FAM3D: variants seen among roughly 807,000 people sequenced by gnomAD.
The protein encoded by FAM3D is protein FAM3D.
A neutral mutation model predicts 29.8 loss-of-function variants in FAM3D; 26 were observed. The ratio of observed to expected loss-of-function variants is 0.87; its 90% CI spans 0.64 to 1.21. The LOEUF is 1.21. Among genes scored for constraint, FAM3D ranks in the 50% most tolerant of loss-of-function variants. The probability of loss-of-function intolerance (pLI) is 0.00; values close to 1 mark genes in which losing one functional copy is unlikely to be tolerated. For synonymous variants in FAM3D, 115 were observed against 102.3 expected (o/e 1.12, Z -0.75); for missense variants, 253 against 290.9 (o/e 0.87, Z 0.95).
At chr3:58,661,479 C>T (rs2066928220) in intron 1 of FAM3D, among the ~76,000 whole-genome samples, 1 of 152,242 alleles carries the variant, frequency 6.6e-6, no homozygotes, top group Non-Finnish European at 1.5e-5. Flanking sequence ...ATTCACCTGA[C>T]AGATCATCCT....
At chr3:58,641,880 T>G (rs558151068) in intron 6 of FAM3D, among the ~76,000 whole-genome samples, 3 of 152,204 alleles carry the variant, frequency 2.0e-5, no homozygotes, top group Non-Finnish European at 2.9e-5. Flanking sequence ...TGGAGAATAT[T>G]CAAAAAGCTT....
chr3:58,652,479 T>C (rs569420643), intron 3 of FAM3D, among the ~76,000 whole-genome samples: 1 of 146,714 alleles, frequency 6.8e-6, no homozygotes, highest in Non-Finnish European at 1.5e-5. Flanking sequence ...CACCCACTCA[T>C]CCATCCATCC....
chr3:58,665,405 C>T (rs1395483812), intron 1 of FAM3D, among the ~76,000 whole-genome samples: 1 of 152,114 alleles, frequency 6.6e-6, no homozygotes, highest in Non-Finnish European at 1.5e-5. Flanking sequence ...TCCTGAAGGA[C>T]CCGGCATTCT....
intron 1 of FAM3D, among the ~76,000 whole-genome samples, chr3:58,662,050 A>G (rs1424656687): frequency 4.6e-5 from 7 of 152,200 alleles, no homozygotes; most frequent in African/African-American, 1.7e-4. Context: ...CTGCAGGTCC[A>G]TTAGCCCCAG....
chr3:58,643,525 G>A (rs1401694824), intron 6 of FAM3D, 137 bp downstream of exon 6: 10 of 946,504 alleles, frequency 1.1e-5, no homozygotes, highest in African/African-American at 4.8e-5. Context: ...GGCCAGCCAC[G>A]CTTCCCCTCC....
intron 4 of FAM3D, among the ~76,000 whole-genome samples, chr3:58,646,055 G>T (rs1343629829): frequency 6.6e-6 from 1 of 152,194 alleles, no homozygotes; most frequent in Non-Finnish European, 1.5e-5. Flanking sequence ...GTCTAGCCAG[G>T]TTCCCTTGGG....
intron 2 of FAM3D, among the ~76,000 whole-genome samples, 180 bp downstream of exon 2, chr3:58,655,371 T>C (rs760222707): frequency 1.3e-5 from 2 of 152,212 alleles, no homozygotes; most frequent in Non-Finnish European, 2.9e-5. Context: ...AAGTTCCTCA[T>C]GCCTTTCAGC....
chr3:58,647,016 A>G (rs1032847651), intron 4 of FAM3D, among the ~76,000 whole-genome samples: 2 of 152,136 alleles, frequency 1.3e-5, no homozygotes, highest in East Asian at 3.9e-4. Flanking sequence ...AGGCTTGGTG[A>G]GCACCTTTGA....
chr3:58,651,059 C>T (rs2066624677), intron 3 of FAM3D, among the ~76,000 whole-genome samples: 1 of 152,200 alleles, frequency 6.6e-6, no homozygotes, highest in East Asian at 1.9e-4. Flanking sequence ...TTTCTAGGCA[C>T]AGGGGTTCTT....
At chr3:58,654,302 C>T (rs2066727118) in intron 2 of FAM3D, among the ~76,000 whole-genome samples, 1 of 152,230 alleles carries the variant, frequency 6.6e-6, no homozygotes, top group South Asian at 2.1e-4. Context: ...ACCCTTGCCC[C>T]TGAGCTTGTT....
At chr3:58,644,641 A>G (rs184069929) in intron 5 of FAM3D, among the ~76,000 whole-genome samples, 13 of 152,328 alleles carry the variant, frequency 8.5e-5, no homozygotes, top group African/African-American at 2.9e-4. Flanking sequence ...AATGAAATAC[A>G]GGCTTGGGAC....
chr3:58,635,567 C>T lies in FAM3D; in HGVS notation c.585+727G>A, dbSNP rs891590191. On this transcript the variant is annotated intron_variant, in intron 9 of 9. Transcript: ENST00000358781. This position sits in a 1 kb window ranked among gnomAD's most constrained non-coding sequence, Gnocchi z 5.2. ...AGGAAAGCACCACCTGCCCATGCAG[C>T]CTCAGACCTCTTGCCTCTTGCTAGG... 2.0e-5 allele frequency among the ~76,000 whole-genome samples: 3 copies of T among 152,234 alleles called. No individual in the cohort carries two copies. The highest frequency in any genetic ancestry group is 4.8e-5 in the African/African-American group (2 of 41,474).
chr3:58,640,082 C>A, intron 7 of FAM3D, 45 bp downstream of exon 7: 2 of 1,607,988 alleles, frequency 1.2e-6, no homozygotes, highest in Non-Finnish European at 1.7e-6. Context: ...CAGCCCTCTG[C>A]ACCGCACCCC....
chr3:58,640,994 T>C (rs547161710), intron 6 of FAM3D, among the ~76,000 whole-genome samples: 203 of 152,184 alleles, frequency 1.3e-3, no homozygotes, highest in African/African-American at 4.8e-3. Flanking sequence ...TGGGGCTGCT[T>C]TTGTGATCGC....
intron 5 of FAM3D, among the ~76,000 whole-genome samples, chr3:58,644,295 C>T (rs1044506785): frequency 4.6e-5 from 7 of 152,184 alleles, no homozygotes; most frequent in East Asian, 1.9e-4. Context: ...TGAATTCCCA[C>T]GTGTTGTGGG....
chr3:58,653,586 TG>T, intron 3 of FAM3D, 87 bp downstream of exon 3: 1 of 1,266,114 alleles, frequency 7.9e-7, no homozygotes, highest in Non-Finnish European at 1.1e-6. Flanking sequence ...TCATGTCTCC[TG>T]GGTCACCTAG....
chr3:58,636,533 C>G, intron 8 of FAM3D, 113 bp from the exon 9 acceptor site: 1 of 1,454,420 alleles, frequency 6.9e-7, no homozygotes, highest in Non-Finnish European at 9.2e-7. Flanking sequence ...AGCATCTGCC[C>G]TGGGGGTGTC....
chr3:58,637,590 C>G (rs1282822689), intron 7 of FAM3D, among the ~76,000 whole-genome samples: 2 of 152,162 alleles, frequency 1.3e-5, no homozygotes, highest in Non-Finnish European at 2.9e-5. Flanking sequence ...GCTCTGGGCC[C>G]TTTGCATACC....
At chr3:58,649,232 T>A in intron 4 of FAM3D, 83 bp downstream of exon 4, 1 of 1,539,484 alleles carries the variant, frequency 6.5e-7, no homozygotes, top group Non-Finnish European at 8.8e-7. Flanking sequence ...GCAGGGGCCC[T>A]GGGCCTTGTT....
Sources: gnomAD v4.1 joint callset for allele counts (sites outside exome capture counted in the v4.1 genomes callset) on GRCh38, gnomAD v4.1.1 for gene constraint, Gnocchi (gnomAD v3.1) non-coding constraint, MANE v1.5 for transcripts, NCBI Gene and HGNC (gene_info 2026-07-23, HGNC 2026-07-21) for gene names.